Variants in EIF4A3 observed in about 807,000 individuals in gnomAD.
The protein encoded by EIF4A3 is eukaryotic initiation factor 4A-III.
Under a neutral mutation model 55.6 loss-of-function variants are expected in EIF4A3, and 1 was observed. The ratio of observed to expected loss-of-function variants is 0.02; its 90% CI spans 0.01 to 0.09. EIF4A3 has a LOEUF of 0.09. Among genes scored for constraint, EIF4A3 ranks in the 10% least tolerant of loss-of-function variants. The probability of loss-of-function intolerance (pLI) is 1.00; values close to 1 mark genes in which losing one functional copy is unlikely to be tolerated. For synonymous variants in EIF4A3, 194 were observed against 196.3 expected (o/e 0.99, Z 0.10); for missense variants, 221 against 540.7 (o/e 0.41, Z 5.86).
At chr17:80,145,070 T>C (rs1567851391) in intron 1 of EIF4A3, among the ~76,000 whole-genome samples, 1 of 152,120 alleles carries the variant, frequency 6.6e-6, no homozygotes, top group African/African-American at 2.4e-5. Context: ...CAAATGCAAA[T>C]ATAGCAGATG....
intron 2 of EIF4A3, 38 bp from the exon 3 acceptor site, chr17:80,141,886 G>A (rs2039621647): frequency 1.3e-6 from 2 of 1,573,420 alleles, no homozygotes; most frequent in Non-Finnish European, 1.7e-6. Flanking sequence ...TTAGAGGGAG[G>A]ACAGGCCACG....
rs2039606924 is a variant in EIF4A3, at chr17:80,140,312, G to GC, written c.373-173dup. 8 of 747,698 alleles carry GC rather than the reference G, an allele frequency of 1.1e-5. No homozygotes were observed. In the African/African-American group the frequency reaches 1.6e-4, roughly 15 times the overall value. The allele number at this position is 747,698 out of a possible 1,614,324, so 46.3% of individuals were successfully genotyped here. ...TCTCTGACAAAAACAAGTTAATTTT[G>GC]CTTTTTTTTTTTTTTTTTTGAGACG... On this transcript the variant is annotated intron_variant, in intron 4 of 11. Coordinates refer to ENST00000649764, the MANE Select transcript of EIF4A3 (RefSeq NM_014740.4).
chr17:80,146,032 T>C (rs983663358), intron 1 of EIF4A3, among the ~76,000 whole-genome samples: 2 of 152,192 alleles, frequency 1.3e-5, no homozygotes, highest in South Asian at 2.1e-4. Context: ...TCGTGTCACA[T>C]AGCTACTTAA....
intron 1 of EIF4A3, among the ~76,000 whole-genome samples, chr17:80,145,989 C>G (rs1303363392): frequency 6.6e-6 from 1 of 152,178 alleles, no homozygotes; most frequent in Non-Finnish European, 1.5e-5. Context: ...AATCTACAGA[C>G]ACCCAGAAGA....
Position 80,136,143 on chromosome 17 carries a change from AAAT to A in EIF4A3, c.1092-15_1092-13del, listed in dbSNP as rs139462163. On this transcript the variant is annotated splice_polypyrimidine_tract_variant and intron_variant, in intron 10 of 11. Coordinates refer to ENST00000649764, the MANE Select transcript of EIF4A3 (RefSeq NM_014740.4). ...CTGATCTCCCAATTCTTCAGGAATA[AAAT>A]AATATTACAGTTAGTATATATAACA... 1.7e-3 allele frequency: 2,674 copies of A among 1,613,982 alleles called. 34 individuals are homozygous for A. The African/African-American group carries it at 0.032, about 19-fold the overall frequency.
intron 2 of EIF4A3, 27 bp downstream of exon 2, chr17:80,144,145 C>A (rs201709582): frequency 1.2e-6 from 2 of 1,612,736 alleles, no homozygotes; most frequent in African/African-American, 2.7e-5. Context: ...TACATCCAGC[C>A]CTGCGCCGCA....
chr17:80,146,648 G>T, intron 1 of EIF4A3, 145 bp downstream of exon 1: 2 of 968,142 alleles, frequency 2.1e-6, no homozygotes, highest in African/African-American at 1.7e-5. Context: ...GGGGGTGGGG[G>T]TCGGACGTCA....
chr17:80,138,645 G>T, intron 7 of EIF4A3: 2 of 329,350 alleles, frequency 6.1e-6, no homozygotes, highest in Non-Finnish European at 1.1e-5. Context: ...TGCCCTGGCT[G>T]AAGTACAGTG....
Position 80,135,985 on chromosome 17 carries a change from G to C in EIF4A3, c.1219+19C>G. 6.2e-7 allele frequency: 1 copy of C among 1,612,706 alleles called. No individual in the cohort carries two copies. Among genetic ancestry groups the C allele is most frequent in the Non-Finnish European group, 8.5e-7 (1 of 1,179,712 alleles). On this transcript the variant is annotated intron_variant, in intron 11 of 11. Coordinates refer to ENST00000649764, the MANE Select transcript of EIF4A3 (RefSeq NM_014740.4). ...GGAAGTTCCCTCTACAATTACAGTA[G>C]AGCTGGACGATTTCCTACCGTTCAT...
intron 11 of EIF4A3, chr17:80,135,741 CA>C (rs1448245729): frequency 1.6e-6 from 1 of 607,648 alleles, no homozygotes; most frequent in African/African-American, 1.9e-5. Flanking sequence ...ACTAAAAATA[CA>C]AAAATTAGCT....
At chr17:80,140,264 A>G in intron 4 of EIF4A3, 124 bp from the exon 5 acceptor site, 1 of 1,210,886 alleles carries the variant, frequency 8.3e-7, no homozygotes, top group African/African-American at 1.6e-5. Flanking sequence ...TTATCTCGAA[A>G]CCACAAAATT....
At chr17:80,145,030 G>A (rs537530530) in intron 1 of EIF4A3, among the ~76,000 whole-genome samples, 1 of 152,324 alleles carries the variant, frequency 6.6e-6, no homozygotes, top group East Asian at 1.9e-4. Flanking sequence ...AGAAACAAAA[G>A]AAAATGTAGC....
At chr17:80,139,790 T>C (rs1381821440) in intron 5 of EIF4A3, 40 bp from the exon 6 acceptor site, 1 of 1,592,144 alleles carries the variant, frequency 6.3e-7, no homozygotes, top group Admixed American at 1.7e-5. Context: ...ACAAATCACA[T>C]CTATGAGATT....
intron 8 of EIF4A3, 191 bp from the exon 9 acceptor site, chr17:80,137,692 C>G (rs963015121): frequency 1.8e-6 from 1 of 557,864 alleles, no homozygotes; most frequent in African/African-American, 1.9e-5. Flanking sequence ...TCACAAAACC[C>G]TCTTACTTCA....
At chr17:80,137,358 C>G in intron 9 of EIF4A3, 28 bp downstream of exon 9, 1 of 1,602,272 alleles carries the variant, frequency 6.2e-7, no homozygotes, top group Non-Finnish European at 8.5e-7. Flanking sequence ...AAACCCTGAC[C>G]TGCAGAGCCA....
In EIF4A3 at chr17:80,141,554, G is replaced by T. The variant is rs188465689; in HGVS notation, c.310-173C>A. The T allele has an allele frequency of 3.3e-4, 256 of 776,824 alleles. No homozygotes were observed. The African/African-American group carries it at 4.1e-3, about 13-fold the overall frequency. 48.1% of individuals were successfully genotyped at this position (776,824 alleles called of 1,614,324 possible). On this transcript the variant is annotated intron_variant, in intron 3 of 11. Coordinates refer to ENST00000649764, the MANE Select transcript of EIF4A3 (RefSeq NM_014740.4). ...ATTGCAAATCCAACAATAACTTAAT[G>T]TGTCAGCATCCTCGTCTGCAGACAA... is the stretch of plus-strand genomic sequence containing the variant.
intron 8 of EIF4A3, 115 bp downstream of exon 8, chr17:80,138,027 G>A: frequency 7.2e-7 from 1 of 1,380,202 alleles, no homozygotes; most frequent in Non-Finnish European, 1.0e-6. Context: ...CACATACCCT[G>A]AAAGCTTAAA....
intron 2 of EIF4A3, among the ~76,000 whole-genome samples, chr17:80,143,052 A>T (rs1466711610): frequency 2.0e-5 from 3 of 151,786 alleles, no homozygotes; most frequent in Non-Finnish European, 4.4e-5. Context: ...TAAATTTCAA[A>T]TTTTTTTTTA....
chr17:80,136,912 C>G (rs1301647988), intron 9 of EIF4A3: 1 of 155,352 alleles, frequency 6.4e-6, no homozygotes, highest in Non-Finnish European at 1.4e-5. Flanking sequence ...CAAGATTGTG[C>G]CACTGCACTC....
Sources: allele counts gnomAD v4.1 joint callset (sites outside exome capture counted in the v4.1 genomes callset), GRCh38; gene constraint gnomAD v4.1.1; transcripts MANE v1.5; gene names NCBI Gene and HGNC (gene_info 2026-07-23, HGNC 2026-07-21).